MACROD2: variants seen among roughly 807,000 people sequenced by gnomAD.
MACROD2 encodes the protein ADP-ribose glycohydrolase MACROD2.
Under a neutral mutation model 70.4 loss-of-function variants are expected in MACROD2, and 36 were observed. The ratio of observed to expected loss-of-function variants is 0.51; its 90% CI spans 0.39 to 0.68. The LOEUF (loss-of-function observed/expected upper bound fraction) is 0.68, where lower values mean the gene tolerates loss of function less well. Among genes scored for constraint, MACROD2 ranks in the 30% least tolerant of loss-of-function variants. The pLI is 0.00. For missense variants in MACROD2, 496 were observed against 538.4 expected (o/e 0.92, Z 0.78); for synonymous variants, 172 against 178.8 (o/e 0.96, Z 0.30).
Position 14,201,706 on chromosome 20 carries a change from G to T in MACROD2, c.271+115978G>T, listed in dbSNP as rs567393406. Among the ~76,000 whole-genome samples, 60 of 152,124 alleles carry T rather than the reference G, an allele frequency of 3.9e-4. 1 individual carries two copies. Among genetic ancestry groups the T allele is most frequent in the Non-Finnish European group, 7.5e-4 (51 of 67,990 alleles). ...AATACAAAAATTAGCCAGGCGTGGT[G>T]GTGGGCACCTGTAATCCCAGCTACT... On this transcript the variant is annotated intron_variant, in intron 3 of 17. Coordinates refer to ENST00000684519, the MANE Select transcript of MACROD2 (RefSeq NM_001351661.2).
chr20:14,862,212 T>TATAA (rs1568839526), intron 5 of MACROD2, among the ~76,000 whole-genome samples: 1 of 7,820 alleles, frequency 1.3e-4, no homozygotes, highest in African/African-American at 4.7e-4. Flanking sequence ...TATAAATATA[T>TATAA]ATATATATAA....
chr20:16,020,348 G>A (rs1043238893), intron 15 of MACROD2, among the ~76,000 whole-genome samples: 2 of 151,692 alleles, frequency 1.3e-5, no homozygotes, highest in South Asian at 2.1e-4. Context: ...CATCCTTCAG[G>A]GCTCAGCCGG....
intron 10 of MACROD2, among the ~76,000 whole-genome samples, chr20:15,926,637 A>C (rs1359382730): frequency 6.6e-6 from 1 of 152,168 alleles, no homozygotes; most frequent in Non-Finnish European, 1.5e-5. Flanking sequence ...GATCTCATTG[A>C]AAGGGGACAT....
chr20:15,932,662 A>G (rs1034109749), intron 10 of MACROD2, among the ~76,000 whole-genome samples: 11 of 152,222 alleles, frequency 7.2e-5, no homozygotes, highest in African/African-American at 2.7e-4. Context: ...AGATAAATCC[A>G]CAGATATAGT....
intron 2 of MACROD2, among the ~76,000 whole-genome samples, chr20:14,065,938 GC>G (rs1200358865): frequency 6.6e-6 from 1 of 152,118 alleles, no homozygotes; most frequent in Non-Finnish European, 1.5e-5. Context: ...ATATTGGACT[GC>G]CATCCACTAG....
intron 8 of MACROD2, among the ~76,000 whole-genome samples, chr20:15,697,733 C>T (rs1490198040): frequency 6.6e-6 from 1 of 152,178 alleles, no homozygotes; most frequent in African/African-American, 2.4e-5. Context: ...AATTTGGGAG[C>T]TCCAGTGTCA....
intron 7 of MACROD2, among the ~76,000 whole-genome samples, chr20:15,464,744 C>G (rs963490700): frequency 2.6e-5 from 4 of 152,122 alleles, no homozygotes; most frequent in African/African-American, 9.7e-5. Context: ...CCTTCTTAGC[C>G]GTCCCTGGAA....
intron 8 of MACROD2, among the ~76,000 whole-genome samples, chr20:15,523,524 A>G (rs763132421): frequency 2.6e-5 from 4 of 152,050 alleles, no homozygotes; most frequent in Non-Finnish European, 5.9e-5. Flanking sequence ...TTTTCTGTGC[A>G]CCAGTAGGGA....
In MACROD2 at chr20:14,849,848, T is replaced by C. The variant is rs193032364; in HGVS notation, c.418+164889T>C. The stretch of plus-strand genomic sequence containing the variant: ...GCAAGAGCAGACTGTAGCAGATAAA[T>C]GTCCCAATAAAAATAGGCTCCTAAC... On this transcript the variant is annotated intron_variant, in intron 5 of 17. Transcript: ENST00000684519. 22 of 412,606 alleles carry C rather than the reference T, an allele frequency of 5.3e-5. No homozygotes were observed. In the East Asian group the frequency reaches 1.3e-3, roughly 24 times the overall value. 25.6% of individuals were successfully genotyped at this position (412,606 alleles called of 1,614,324 possible). A position where few individuals can be genotyped will look rare whatever the true frequency, so the allele number is the denominator to read the frequency against.
At chr20:14,575,757 T>C (rs939435082) in intron 4 of MACROD2, among the ~76,000 whole-genome samples, 21 of 152,210 alleles carry the variant, frequency 1.4e-4, no homozygotes, top group African/African-American at 4.8e-4. Context: ...TACTTAGAGC[T>C]TTATTTGGAT....
chr20:15,700,799 A>G (rs1161384752), intron 8 of MACROD2, among the ~76,000 whole-genome samples: 4 of 152,222 alleles, frequency 2.6e-5, no homozygotes, highest in African/African-American at 7.2e-5. Context: ...TAATAAGCAC[A>G]CGTATAATTT....
At chr20:15,278,722 G>A (rs868321366) in intron 6 of MACROD2, among the ~76,000 whole-genome samples, 20 of 152,122 alleles carry the variant, frequency 1.3e-4, no homozygotes, top group Non-Finnish European at 2.4e-4. Context: ...CTTACTCTCC[G>A]TACCAAGTCT....
At chr20:14,525,719 A>T (rs2085223379) in intron 4 of MACROD2, among the ~76,000 whole-genome samples, 1 of 152,230 alleles carries the variant, frequency 6.6e-6, no homozygotes, top group African/African-American at 2.4e-5. Flanking sequence ...CTTCAATGCC[A>T]TTTAGGTATG....
At chr20:15,488,692 C>G (rs911072195) in intron 7 of MACROD2, among the ~76,000 whole-genome samples, 1 of 152,210 alleles carries the variant, frequency 6.6e-6, no homozygotes, top group African/African-American at 2.4e-5. Context: ...TAAGCAGAAA[C>G]TGCATTTTCA....
At position 14,686,674 on chromosome 20, in the gene MACROD2, G is replaced by A. The variant is rs113709622; in HGVS notation, c.418+1715G>A. Reference sequence around the variant, plus strand: ...AGGCTATAGCCTATAGTCTAGGTGTGTAGTAGGCTATACCATCTCGGTTTG... The same window carrying A: ...AGGCTATAGCCTATAGTCTAGGTGTATAGTAGGCTATACCATCTCGGTTTG... On this transcript the variant is annotated intron_variant, in intron 5 of 17. Transcript: ENST00000684519. Among the ~76,000 whole-genome samples the A allele has an allele frequency of 3.3e-5, 5 of 152,234 alleles. 1 individual carries two copies. The highest frequency in any genetic ancestry group is 9.6e-5 in the African/African-American group (4 of 41,552).
intron 3 of MACROD2, among the ~76,000 whole-genome samples, chr20:14,336,415 C>T (rs1259547488): frequency 6.6e-6 from 1 of 152,064 alleles, no homozygotes; most frequent in Non-Finnish European, 1.5e-5. Context: ...GCCTGTTGCA[C>T]TCTTTACCTA....
chr20:15,487,392 T>C (rs1373180923), intron 7 of MACROD2, among the ~76,000 whole-genome samples: 1 of 152,206 alleles, frequency 6.6e-6, no homozygotes, highest in African/African-American at 2.4e-5. Flanking sequence ...TCTTTGAAAA[T>C]GAGTTTTAGG....
At chr20:14,438,584 GT>G (rs577468646) in intron 3 of MACROD2, among the ~76,000 whole-genome samples, 1 of 152,066 alleles carries the variant, frequency 6.6e-6, no homozygotes, top group Non-Finnish European at 1.5e-5. Context: ...GTTAGCTCTT[GT>G]TTTTTGATAA....
rs115125821 is a variant in MACROD2 at position 16,017,394 on chromosome 20, T to C, written c.1154-23807T>C. On this transcript the variant is annotated intron_variant, in intron 15 of 17. Transcript: ENST00000684519. Reference sequence around the variant, plus strand: ...TACACAGTATATGATTGCAGAATGATTGATTGAACCATACTTACTAGCAAT... The same window carrying C: ...TACACAGTATATGATTGCAGAATGACTGATTGAACCATACTTACTAGCAAT... Among the ~76,000 whole-genome samples, 453 of 152,346 alleles carry C rather than the reference T, an allele frequency of 3.0e-3. 3 individuals carry two copies. Among genetic ancestry groups the C allele is most frequent in the African/African-American group, 0.011 (437 of 41,574 alleles).
Sources: gnomAD v4.1 joint callset for allele counts (sites outside exome capture counted in the v4.1 genomes callset) on GRCh38, gnomAD v4.1.1 for gene constraint, MANE v1.5 for transcripts, NCBI Gene and HGNC (gene_info 2026-07-23, HGNC 2026-07-21) for gene names.